The following BICC1 variants were observed in gnomAD, a reference collection of about 807,000 sequenced individuals.
The protein encoded by BICC1 is protein bicaudal C homolog 1.
A neutral mutation model predicts 111.0 loss-of-function variants in BICC1; 43 were observed. The ratio of observed to expected loss-of-function variants is 0.39; its 90% CI spans 0.30 to 0.50. The LOEUF (loss-of-function observed/expected upper bound fraction) is 0.50, where lower values mean the gene tolerates loss of function less well. BICC1 is among the 20% of genes least tolerant of loss of function. The pLI is 0.88. For missense variants in BICC1, 1,091 were observed against 1,203.2 expected, an observed-to-expected ratio of 0.91 and a Z score of 1.38; for synonymous variants, 467 against 434.4, an observed-to-expected ratio of 1.07 and a Z score of -0.93.
chr10:58,809,636 T>G lies in BICC1; in HGVS notation c.2376+2478T>G, dbSNP rs534344210. Among the ~76,000 whole-genome samples, 18 of 152,352 alleles carry G rather than the reference T, an allele frequency of 1.2e-4. No homozygotes were observed. In the South Asian group the frequency reaches 3.7e-3, roughly 32 times the overall value. ...GGCTTGCTGAAAGATGAGATTATGT[T>G]TATGAATGCTCACTGGTGGAAATAT... On this transcript the variant is annotated intron_variant, in intron 17 of 20. Coordinates refer to ENST00000373886, the MANE Select transcript of BICC1 (RefSeq NM_001080512.3).
At chr10:58,756,774 A>G (rs1007705534) in intron 3 of BICC1, among the ~76,000 whole-genome samples, 1 of 152,142 alleles carries the variant, frequency 6.6e-6, no homozygotes, top group Non-Finnish European at 1.5e-5. Context: ...AATATTGACA[A>G]TTGAACACTT....
At chr10:58,683,232 A>G (rs1384254033) in intron 2 of BICC1, among the ~76,000 whole-genome samples, 1 of 152,112 alleles carries the variant, frequency 6.6e-6, no homozygotes, top group African/African-American at 2.4e-5. Context: ...GTTCTGTTCC[A>G]TTGGTCTATA....
rs549603272 is a variant in BICC1, at chr10:58,625,766, G to T, written c.237+4865G>T. ...GGAAATTCCTGGGATAAATAATTTGGTTCCCTCTGTACCTAAAAATGGGTG... is the reference window on the plus strand; with the variant it reads ...GGAAATTCCTGGGATAAATAATTTGTTTCCCTCTGTACCTAAAAATGGGTG... On this transcript the variant is annotated intron_variant, in intron 2 of 20. Transcript: ENST00000373886. 5.4e-4 allele frequency among the ~76,000 whole-genome samples: 82 copies of T among 152,254 alleles called. 1 individual carries two copies. Among genetic ancestry groups the T allele is most frequent in the Non-Finnish European group, 5.9e-4 (40 of 68,018 alleles).
At chr10:58,616,542 A>G (rs900541174) in intron 1 of BICC1, among the ~76,000 whole-genome samples, 4 of 152,090 alleles carry the variant, frequency 2.6e-5, no homozygotes, top group African/African-American at 9.7e-5. Flanking sequence ...GGTTCGACTT[A>G]GGGGAACACC....
At position 58,787,060 on chromosome 10, in the gene BICC1, C is replaced by A; in HGVS notation, c.525C>A (p.Asn175Lys). 6.3e-7 allele frequency: 1 copy of A among 1,586,894 alleles called. No homozygotes were observed. ...ACTTTCCAGATTCCAACAGGAATAA[C>A]CAAGCAGAAAAAAGCAACCAGGTGG... ...HIHFPDSNRN[N>K]QAEKSNQVSI... The change falls in exon 5 of 21, where the codon AAC (asparagine) becomes AAA (lysine). Residue 175 changes from asparagine (N) to lysine (K), a missense_variant. This residue lies in a region of BICC1 where 843 missense variants were observed against 900.8 expected (regional missense o/e 0.94). Coordinates refer to ENST00000373886, the MANE Select transcript of BICC1 (RefSeq NM_001080512.3).
rs539185329 is a variant in BICC1, at chr10:58,565,815, T to A, written c.190+52482T>A. Reference sequence around the variant, plus strand: ...TTTTTTGAAAGGTCAATATATTTTTTAAAAATCCTTTATTTCCATAGGTTT... The same window carrying A: ...TTTTTTGAAAGGTCAATATATTTTTAAAAAATCCTTTATTTCCATAGGTTT... On this transcript the variant is annotated intron_variant, in intron 1 of 20. Transcript: ENST00000373886. Among the ~76,000 whole-genome samples, 156 of 152,286 alleles carry A rather than the reference T, an allele frequency of 1.0e-3. 3 individuals carry two copies. In the South Asian group the frequency reaches 0.028, roughly 28 times the overall value.
chr10:58,793,642 AT>A, intron 9 of BICC1, 27 bp downstream of exon 9: 1 of 1,610,250 alleles, frequency 6.2e-7, no homozygotes, highest in Non-Finnish European at 8.5e-7. Context: ...AATCCAGAGA[AT>A]TATGTATCAT....
intron 3 of BICC1, among the ~76,000 whole-genome samples, chr10:58,731,093 G>A (rs1841277166): frequency 6.6e-6 from 1 of 152,152 alleles, no homozygotes; most frequent in African/African-American, 2.4e-5. Flanking sequence ...AAGCAGTCAG[G>A]CTATATACTT....
intron 2 of BICC1, among the ~76,000 whole-genome samples, chr10:58,686,829 A>G (rs4948539): frequency 0.98 from 149,471 of 152,308 alleles, 73,418 homozygotes; most frequent in Middle Eastern, 1. Flanking sequence ...TCTTTAGCTC[A>G]GAGAAGTTTG....
rs573749721 is a variant in BICC1, at chr10:58,537,626, C to T, written c.190+24293C>T. On this transcript the variant is annotated intron_variant, in intron 1 of 20. Transcript: ENST00000373886. ...TTCTATTCAGTATAATACCGGAAGTCCTAGCCAGAGCAATCAGGCAAGAGA... is the reference window on the plus strand; with the variant it reads ...TTCTATTCAGTATAATACCGGAAGTTCTAGCCAGAGCAATCAGGCAAGAGA... Among the ~76,000 whole-genome samples the T allele has an allele frequency of 2.6e-5, 4 of 151,768 alleles. No individual in the cohort carries two copies. In the South Asian group the frequency reaches 8.3e-4, roughly 32 times the overall value.
At chr10:58,572,447 A>T (rs1014854381) in intron 1 of BICC1, among the ~76,000 whole-genome samples, 1 of 152,076 alleles carries the variant, frequency 6.6e-6, no homozygotes, top group Non-Finnish European at 1.5e-5. Context: ...AATCGAACTG[A>T]TATGGACAAG....
At chr10:58,711,455 T>A (rs183570577) in intron 3 of BICC1, among the ~76,000 whole-genome samples, 29 of 152,338 alleles carry the variant, frequency 1.9e-4, no homozygotes, top group Non-Finnish European at 3.7e-4. Context: ...TTGTAGATAG[T>A]GCCAAACATG....
chr10:58,715,366 A>G (rs891868289), intron 3 of BICC1, among the ~76,000 whole-genome samples: 46 of 152,226 alleles, frequency 3.0e-4, no homozygotes, highest in African/African-American at 9.2e-4. Context: ...CTATGCAAAT[A>G]GTTATGTATT....
At chr10:58,605,814 G>A (rs1472056179) in intron 1 of BICC1, among the ~76,000 whole-genome samples, 2 of 152,174 alleles carry the variant, frequency 1.3e-5, no homozygotes, top group Non-Finnish European at 2.9e-5. Context: ...TGGAACCCAG[G>A]GAATGTGGAG....
chr10:58,605,535 A>T (rs940311187), intron 1 of BICC1, among the ~76,000 whole-genome samples: 1 of 152,072 alleles, frequency 6.6e-6, no homozygotes, highest in Non-Finnish European at 1.5e-5. Flanking sequence ...TCTATGGGGG[A>T]TTTGTTCCAG....
intron 14 of BICC1, among the ~76,000 whole-genome samples, chr10:58,802,263 A>G (rs934101865): frequency 6.6e-6 from 1 of 152,200 alleles, no homozygotes; most frequent in Non-Finnish European, 1.5e-5. Flanking sequence ...AGCCTCTGTC[A>G]ACTTTTGTCA....
Position 58,525,917 on chromosome 10 carries a change from T to G in BICC1, c.190+12584T>G, listed in dbSNP as rs147188116. On this transcript the variant is annotated intron_variant, in intron 1 of 20. Transcript: ENST00000373886. Reference sequence around the variant, plus strand: ...TAAGCAGTTTTCAGAATTCTGTGGTTGAATAATAGTACATTTGGTTGAAAA... The same window carrying G: ...TAAGCAGTTTTCAGAATTCTGTGGTGGAATAATAGTACATTTGGTTGAAAA... 1.8e-3 allele frequency among the ~76,000 whole-genome samples: 273 copies of G among 152,126 alleles called. 1 individual carries two copies. Among genetic ancestry groups the G allele is most frequent in the African/African-American group, 6.1e-3 (253 of 41,542 alleles).
chr10:58,629,427 C>T (rs1487902078), intron 2 of BICC1, among the ~76,000 whole-genome samples: 1 of 151,764 alleles, frequency 6.6e-6, no homozygotes. Flanking sequence ...TTATTTAAAT[C>T]GGCAATTATC....
chr10:58,657,430 G>A (rs1838695249), intron 2 of BICC1, among the ~76,000 whole-genome samples: 1 of 152,160 alleles, frequency 6.6e-6, no homozygotes, highest in African/African-American at 2.4e-5. Context: ...GTGTATCTCA[G>A]TAGGAGCTCA....
Sources: gnomAD v4.1 joint callset for allele counts (sites outside exome capture counted in the v4.1 genomes callset) on GRCh38, gnomAD v4.1.1 for gene constraint, gnomAD v4.1.1 regional missense constraint, MANE v1.5 for transcripts, NCBI Gene and HGNC (gene_info 2026-07-23, HGNC 2026-07-21) for gene names.